DLG4: variants seen among roughly 807,000 people sequenced by gnomAD.
DLG4 encodes the protein disks large homolog 4.
DLG4 carries 7 observed loss-of-function variants against 93.8 expected under a neutral mutation model. The observed-to-expected ratio is 0.07, with a 90% CI of 0.04 to 0.14. The LOEUF (loss-of-function observed/expected upper bound fraction) is 0.14. Ranked by LOEUF, DLG4 falls within the 10% of genes least tolerant of loss-of-function variation. The probability of loss-of-function intolerance (pLI) is 1.00; values close to 1 mark genes in which losing one functional copy is unlikely to be tolerated. For synonymous variants in DLG4, 341 were observed against 387.6 expected, an observed-to-expected ratio of 0.88 and a Z score of 1.41; for missense variants, 545 against 992.9, an observed-to-expected ratio of 0.55 and a Z score of 6.06.
upstream of DLG4, chr17:7,218,943 G>A (rs983669374): frequency 1.1e-5 from 15 of 1,383,256 alleles, no homozygotes; most frequent in Admixed American, 5.2e-5. Context: ...AAAGTAGGCC[G>A]TCTCTGAGCC....
At chr17:7,218,211 G>A (rs960172345), upstream of DLG4, 5 of 1,596,596 alleles carry the variant, frequency 3.1e-6, 1 homozygote, top group Admixed American at 3.4e-5. Context: ...TGCCCCTCAG[G>A]AAGTTAGGCG....
chr17:7,219,706 C>G, upstream of DLG4: 1 of 1,399,838 alleles, frequency 7.1e-7, no homozygotes, highest in Non-Finnish European at 9.3e-7. Context: ...CTGTCCCATC[C>G]TATCCCATCA....
At position 7,203,779 on chromosome 17, in the gene DLG4, G is replaced by C; in HGVS notation, c.248C>G (p.Thr83Ser). The C allele has an allele frequency of 6.2e-7, 1 of 1,613,526 alleles. No homozygotes were observed. Among genetic ancestry groups the C allele is most frequent in the East Asian group, 2.2e-5 (1 of 44,794 alleles). Residue 83 changes from threonine (T) to serine (S), a missense_variant, in exon 5 of 20, where the codon ACT becomes AGT. By Grantham distance (58) the Thr-to-Ser change is moderately conservative (BLOSUM62 1). Around this residue, in one of 5 missense-constraint regions of DLG4, gnomAD observed 33 missense variants for 107.5 expected, o/e 0.31. Coordinates refer to ENST00000399506, the MANE Select transcript of DLG4 (RefSeq NM_001321075.3). The surrounding 1 kb of genome is among the most constrained non-coding windows in gnomAD (Gnocchi z 7.2). ...GTCGTCACCGATGTGTGGGTTGTCA[G>C]TGCCACCTGCGATGCTGAAGCCCAG... ...SGLGFSIAGGTDNPHIGDDPS... is the reference protein window; with the variant it reads ...SGLGFSIAGGSDNPHIGDDPS...
rs1567527905 is a variant in DLG4, at chr17:7,193,879, G to GA, written c.1516-9dup. The GA allele has an allele frequency of 6.2e-7, 1 of 1,612,258 alleles. No homozygotes were observed. Among genetic ancestry groups the GA allele is most frequent in the Admixed American group, 1.7e-5 (1 of 59,710 alleles). ...AGAGCTGGAGCCCCAGTCCTAAGAA[G>GA]AAAAAGCAGGCCACGGGGTTAGTTA... On this transcript the variant is annotated splice_polypyrimidine_tract_variant and intron_variant, in intron 13 of 19. Coordinates refer to ENST00000399506, the MANE Select transcript of DLG4 (RefSeq NM_001321075.3). This position sits in a 1 kb window ranked among gnomAD's most constrained non-coding sequence, Gnocchi z 6.7.
upstream of DLG4, chr17:7,219,391 G>T: frequency 9.9e-7 from 1 of 1,013,100 alleles, no homozygotes; most frequent in South Asian, 3.9e-5. Flanking sequence ...CAGTGAATCT[G>T]GGGGGGTCTT....
chr17:7,207,845 T>A (rs1182852280), intron 2 of DLG4, among the ~76,000 whole-genome samples: 1 of 152,074 alleles, frequency 6.6e-6, no homozygotes. Flanking sequence ...CTTTAGGCTT[T>A]ACATCCACTC....
upstream of DLG4, chr17:7,218,804 C>G (rs770851170): frequency 6.2e-7 from 1 of 1,613,656 alleles, no homozygotes; most frequent in African/African-American, 1.3e-5. Context: ...CCCAGACCTC[C>G]CCTCCACAAG....
At chr17:7,192,024 G>A (rs775912654) in intron 17 of DLG4, 22 bp from the exon 18 acceptor site, 11 of 1,342,056 alleles carry the variant, frequency 8.2e-6, no homozygotes, top group East Asian at 8.2e-5. Flanking sequence ...CAGGGTGGGC[G>A]GAGGGGGGCC....
rs1213918328 is a variant in DLG4 at position 7,194,218 on chromosome 17, A to C, written c.1478+101T>G. 17 of 1,455,912 alleles carry C rather than the reference A, an allele frequency of 1.2e-5. No individual in the cohort carries two copies. The highest frequency in any genetic ancestry group is 4.2e-5 in the African/African-American group (3 of 71,020). 90.2% of individuals were successfully genotyped at this position (1,455,912 alleles called of 1,614,324 possible). ...AGGGCCCAACAGACAAACCCCTAGGAGTTCAGAGGGCAAACCCATCCCCTG... is the reference window on the plus strand; with the variant it reads ...AGGGCCCAACAGACAAACCCCTAGGCGTTCAGAGGGCAAACCCATCCCCTG... On this transcript the variant is annotated intron_variant, in intron 12 of 19. Coordinates refer to ENST00000399506, the MANE Select transcript of DLG4 (RefSeq NM_001321075.3). This position sits in a 1 kb window ranked among gnomAD's most constrained non-coding sequence, Gnocchi z 4.4.
At chr17:7,213,773 A>G (rs1440493665) in intron 1 of DLG4, 1 of 471,204 alleles carries the variant, frequency 2.1e-6, no homozygotes, top group Non-Finnish European at 4.4e-6. Context: ...CATACATGGT[A>G]GAAATGACGA....
chr17:7,188,559 T>C lies in DLG4; in HGVS notation c.*2149A>G, dbSNP rs548010042. Among the ~76,000 whole-genome samples, 2 of 152,190 alleles carry C rather than the reference T, an allele frequency of 1.3e-5. No individual in the cohort carries two copies. The highest frequency in any genetic ancestry group is 2.9e-5 in the Non-Finnish European group (2 of 67,988). ...GAAGGCTGAGAGTCACCATTCTACA[T>C]AGCAGGATCTCAGGAGCTTCAGTTA... On this transcript the variant is annotated 3_prime_UTR_variant, in exon 20 of 20. Transcript: ENST00000399506.
At position 7,191,955 on chromosome 17, in the gene DLG4, C is replaced by A; in HGVS notation, c.1914G>T (p.Leu638=). 2 of 1,483,510 alleles carry A rather than the reference C, an allele frequency of 1.3e-6. No homozygotes were observed. Among genetic ancestry groups the A allele is most frequent in the Non-Finnish European group, 9.0e-7 (1 of 1,113,480 alleles). 91.9% of individuals were successfully genotyped at this position (1,483,510 alleles called of 1,614,324 possible). The change falls in exon 18 of 20, where the codon CTG becomes CTT. Residue 638 remains leucine (L), a synonymous_variant. Coordinates refer to ENST00000399506, the MANE Select transcript of DLG4 (RefSeq NM_001321075.3). The surrounding 1 kb of genome is among the most constrained non-coding windows in gnomAD (Gnocchi z 6.6). ...LDVSANAVRR[L]QAAHLHPIAI... ...CGATGGGGTGCAGGTGGGCCGCCTG[C>A]AGCCGCCGCACGGCATTGGCCGAGA... is the stretch of plus-strand genomic sequence containing the variant.
At position 7,195,259 on chromosome 17, in the gene DLG4, G is replaced by A. The variant is rs1426441610; in HGVS notation, c.1302-764C>T. Among the ~76,000 whole-genome samples the A allele has an allele frequency of 6.6e-6, 1 of 152,198 alleles. No homozygotes were observed. Among genetic ancestry groups the A allele is most frequent in the Admixed American group, 6.5e-5 (1 of 15,284 alleles). On this transcript the variant is annotated intron_variant, in intron 11 of 19. Transcript: ENST00000399506. The surrounding 1 kb of genome is among the most constrained non-coding windows in gnomAD (Gnocchi z 4.3). ...CAGAAGAAAGCAATGGGCCTGGAGA[G>A]GAGGGAGGAGACCCCGGGCCCCCTG...
chr17:7,201,628 C>G (rs2070141932), intron 8 of DLG4, among the ~76,000 whole-genome samples: 1 of 152,166 alleles, frequency 6.6e-6, no homozygotes, highest in African/African-American at 2.4e-5. Flanking sequence ...CGCCTGTAAT[C>G]TCAGCACTTT....
At chr17:7,202,420 C>T (rs1050587380) in intron 8 of DLG4, among the ~76,000 whole-genome samples, 3 of 152,154 alleles carry the variant, frequency 2.0e-5, no homozygotes, top group Non-Finnish European at 4.4e-5. Context: ...ATTGAGCCAT[C>T]TTTAGTTTTC....
At chr17:7,197,331 A>G (rs924222356) in intron 8 of DLG4, among the ~76,000 whole-genome samples, 1 of 151,966 alleles carries the variant, frequency 6.6e-6, no homozygotes, top group African/African-American at 2.4e-5. Flanking sequence ...GAGCATTAAT[A>G]TTACGCTTTG....
In DLG4 at chr17:7,196,130, TGGA is replaced by T; in HGVS notation, c.1301+87_1301+89del. 2.1e-6 allele frequency: 2 copies of T among 931,176 alleles called. No individual in the cohort carries two copies. Among genetic ancestry groups the T allele is most frequent in the Non-Finnish European group, 3.3e-6 (2 of 612,674 alleles). The allele number at this position is 931,176 out of a possible 1,614,324, so 57.7% of individuals were successfully genotyped here. On this transcript the variant is annotated intron_variant, in intron 11 of 19. Coordinates refer to ENST00000399506, the MANE Select transcript of DLG4 (RefSeq NM_001321075.3). This position sits in a 1 kb window ranked among gnomAD's most constrained non-coding sequence, Gnocchi z 8.3. ...GGGTGGGGAGCTAGAGCAGGCAGGG[TGGA>T]GAAGAGGAGCGGCTGAGGCCCGGGC...
At chr17:7,219,982 G>A, upstream of DLG4, 2 of 1,602,274 alleles carry the variant, frequency 1.2e-6, no homozygotes, top group Middle Eastern at 1.7e-4. Context: ...GAGAGATTCG[G>A]AGATGCAGGC....
chr17:7,193,099 C>T lies in DLG4; in HGVS notation c.1712G>A (p.Arg571Gln). 2.5e-6 allele frequency: 4 copies of T among 1,613,754 alleles called. No individual in the cohort carries two copies. Among genetic ancestry groups the T allele is most frequent in the Non-Finnish European group, 2.5e-6 (3 of 1,179,758 alleles). Residue 571 changes from arginine to glutamine, a missense_variant, in exon 17 of 20, where the codon CGG becomes CAG. This residue lies in a region of DLG4 where 428 missense variants were observed against 741.4 expected (regional missense o/e 0.58). Coordinates refer to ENST00000399506, the MANE Select transcript of DLG4 (RefSeq NM_001321075.3). This position sits in a 1 kb window ranked among gnomAD's most constrained non-coding sequence, Gnocchi z 6.7. ...SCVPHTTRPKREYEIDGRDYH... is the reference protein window; with the variant it reads ...SCVPHTTRPKQEYEIDGRDYH... The stretch of plus-strand genomic sequence containing the variant: ...ATCCCGGCCATCTATCTCATACTCC[C>T]GCTTGGGCCGTGTCGTATCTGCCAG...
Sources: gnomAD v4.1 joint callset for allele counts (sites outside exome capture counted in the v4.1 genomes callset) on GRCh38, gnomAD v4.1.1 for gene constraint, gnomAD v4.1.1 regional missense constraint, Gnocchi (gnomAD v3.1) non-coding constraint, MANE v1.5 for transcripts, NCBI Gene and HGNC (gene_info 2026-07-23, HGNC 2026-07-21) for gene names.